The following CYP2C8 variants were observed in gnomAD, a reference collection of about 807,000 sequenced individuals.
The protein encoded by CYP2C8 is cytochrome P450 family 2 subfamily C member 8, also known as cytochrome P450 2C8.
CYP2C8 carries 51 observed loss-of-function variants against 41.3 expected under a neutral mutation model. That is an observed-to-expected ratio of 1.24 (90% CI 0.99 to 1.56). The LOEUF is 1.56. CYP2C8 is among the 40% of genes most tolerant of loss of function. The pLI is 0.00. For synonymous variants in CYP2C8, 218 were observed against 205.8 expected (o/e 1.06, Z -0.51); for missense variants, 651 against 579.9 (o/e 1.12, Z -1.26).
chr10:95,056,286 C>G (rs1207260810), intron 5 of CYP2C8, among the ~76,000 whole-genome samples: 1 of 152,174 alleles, frequency 6.6e-6, no homozygotes, highest in East Asian at 1.9e-4. Flanking sequence ...GAGGAACCCT[C>G]AAACATTGCT....
In CYP2C8 at chr10:95,067,189, G is replaced by A. The variant is rs375369698; in HGVS notation, c.481+19C>T. 32 of 1,613,906 alleles carry A rather than the reference G, an allele frequency of 2.0e-5. No individual in the cohort carries two copies. Among genetic ancestry groups the A allele is most frequent in the African/African-American group, 2.7e-5 (2 of 75,010 alleles). ...ACAGGTAACTGTTAAGGTCAATGAC[G>A]CAGAGTAGAGTCACCCACCCTTGGT... is the stretch of plus-strand genomic sequence containing the variant. On this transcript the variant is annotated intron_variant, in intron 3 of 8. Coordinates refer to ENST00000371270, the MANE Select transcript of CYP2C8 (RefSeq NM_000770.3).
rs371808080 is a variant in CYP2C8, at chr10:95,037,112, G to C, written c.*16C>G. The C allele has an allele frequency of 6.2e-7, 1 of 1,613,332 alleles. No individual in the cohort carries two copies. The highest frequency in any genetic ancestry group is 2.2e-5 in the East Asian group (1 of 44,880). ...GCAGGTGATAGCAGATCGGCAGCCAGATGGGCTAGCATTCTTCAGACAGGG... is the reference window on the plus strand; with the variant it reads ...GCAGGTGATAGCAGATCGGCAGCCACATGGGCTAGCATTCTTCAGACAGGG... On this transcript the variant is annotated 3_prime_UTR_variant, in exon 9 of 9. Transcript: ENST00000371270.
At chr10:95,041,029 A>G (rs2032983939) in intron 7 of CYP2C8, 1 of 454,772 alleles carries the variant, frequency 2.2e-6, no homozygotes, top group African/African-American at 2.0e-5. Flanking sequence ...AGTCCTGAAC[A>G]ATAAGTAACA....
chr10:95,067,449 G>A, intron 2 of CYP2C8, 80 bp downstream of exon 2: 1 of 1,612,994 alleles, frequency 6.2e-7, no homozygotes, highest in Non-Finnish European at 8.5e-7. Context: ...GCTAAGCTCT[G>A]CTGAGAAGCT....
intron 3 of CYP2C8, among the ~76,000 whole-genome samples, chr10:95,065,656 T>A (rs2033546076): frequency 6.6e-6 from 1 of 152,230 alleles, no homozygotes. Flanking sequence ...ATTTCCTTCC[T>A]TTGGAAATAA....
At chr10:95,042,763 T>G (rs761663173) in intron 7 of CYP2C8, 127 bp downstream of exon 7, 1 of 806,152 alleles carries the variant, frequency 1.2e-6, no homozygotes, top group Non-Finnish European at 2.2e-6. Flanking sequence ...TAGCAGAAAG[T>G]CCATCAAGCT....
chr10:95,047,986 T>G (rs1043742317), intron 5 of CYP2C8, among the ~76,000 whole-genome samples: 16 of 152,214 alleles, frequency 1.1e-4, no homozygotes, highest in African/African-American at 3.9e-4. Flanking sequence ...AAGGTCACCT[T>G]GAGTTCAGAT....
intron 5 of CYP2C8, among the ~76,000 whole-genome samples, chr10:95,048,635 C>T (rs1589439712): frequency 6.6e-6 from 1 of 150,510 alleles, no homozygotes; most frequent in African/African-American, 2.4e-5. Context: ...TTCCCAAATG[C>T]TATGTTATTT....
At chr10:95,056,515 AATG>A (rs1288288537) in intron 5 of CYP2C8, among the ~76,000 whole-genome samples, 2 of 152,346 alleles carry the variant, frequency 1.3e-5, no homozygotes, top group East Asian at 3.9e-4. Context: ...TCAACAGATG[AATG>A]ATAAGCAAAT....
At position 95,055,923 on chromosome 10, in the gene CYP2C8, T is replaced by G. The variant is rs551181855; in HGVS notation, c.819+2412A>C. 2.0e-5 allele frequency among the ~76,000 whole-genome samples: 3 copies of G among 152,082 alleles called. No homozygotes were observed. In the South Asian group the frequency reaches 6.2e-4, roughly 32 times the overall value. On this transcript the variant is annotated intron_variant, in intron 5 of 8. Transcript: ENST00000371270. ...CTAGGAAACATGGTGAAACCAAGTT[T>G]GTACAAAAAAAATACAAAAATTAGC...
chr10:95,067,771 C>G, intron 1 of CYP2C8, 80 bp from the exon 2 acceptor site: 1 of 1,395,374 alleles, frequency 7.2e-7, no homozygotes, highest in Non-Finnish European at 1.0e-6. Context: ...CTGACATTTT[C>G]ATTGTATTTT....
intron 8 of CYP2C8, among the ~76,000 whole-genome samples, chr10:95,037,584 G>A (rs1434854158): frequency 6.6e-6 from 1 of 152,172 alleles, no homozygotes; most frequent in Non-Finnish European, 1.5e-5. Flanking sequence ...TTGATTATCA[G>A]CTCCATAACA....
At chr10:95,064,995 A>C in intron 3 of CYP2C8, 35 bp from the exon 4 acceptor site, 1 of 1,384,354 alleles carries the variant, frequency 7.2e-7, no homozygotes, top group South Asian at 1.9e-5. Flanking sequence ...AAATTATTAA[A>C]AAATAAATAT....
intron 5 of CYP2C8, among the ~76,000 whole-genome samples, chr10:95,048,762 AG>A (rs35355738): frequency 6.6e-6 from 1 of 152,164 alleles, no homozygotes; most frequent in Non-Finnish European, 1.5e-5. Context: ...GATATTACCC[AG>A]GGGAACATGT....
At chr10:95,066,021 C>T (rs190021825) in intron 3 of CYP2C8, among the ~76,000 whole-genome samples, 7 of 151,828 alleles carry the variant, frequency 4.6e-5, no homozygotes, top group Non-Finnish European at 5.9e-5. Context: ...GAGTTAGCTG[C>T]TTCTATGCCA....
chr10:95,058,364 T>C lies in CYP2C8; in HGVS notation c.790A>G (p.Ile264Val), dbSNP rs1589444043. The change falls in exon 5 of 9, where the codon ATC (isoleucine) becomes GTC (valine). Residue 264 changes from isoleucine to valine, a missense_variant. Transcript: ENST00000371270. ...SLDVNNPRDF[I>V]DCFLIKMEQE... ...TCCATTTTGATCAGGAAGCAATCGA[T>C]AAAGTCCCGAGGATTGTTAACATCC... is the stretch of plus-strand genomic sequence containing the variant. 9.3e-6 allele frequency: 15 copies of C among 1,613,436 alleles called. No homozygotes were observed. The highest frequency in any genetic ancestry group is 1.3e-5 in the Non-Finnish European group (15 of 1,179,596).
At chr10:95,067,422 G>T in intron 2 of CYP2C8, 65 bp from the exon 3 acceptor site, 2 of 1,612,176 alleles carry the variant, frequency 1.2e-6, no homozygotes, top group Non-Finnish European at 1.7e-6. Flanking sequence ...TGCAACACTT[G>T]GCAGCCATGC....
At position 95,045,852 on chromosome 10, in the gene CYP2C8, T is replaced by C. The variant is rs775446881; in HGVS notation, c.919A>G (p.Arg307Gly). 6.2e-7 allele frequency: 1 copy of C among 1,614,048 alleles called. No individual in the cohort carries two copies. The highest frequency in any genetic ancestry group is 8.5e-7 in the Non-Finnish European group (1 of 1,179,920). Residue 307 changes from arginine (R) to glycine (G), a missense_variant, in exon 6 of 9, where the codon AGA becomes GGA. Arg to Gly is a moderately radical substitution (Grantham distance 125). Coordinates refer to ENST00000371270, the MANE Select transcript of CYP2C8 (RefSeq NM_000770.3). The stretch of plus-strand genomic sequence containing the variant: ...TTCAGCAGGAGCAGGAGTCCATATC[T>C]CAGAGTGGTGCTTGTTGTCTCTGTT... Reference protein sequence around the residue: ...AGTETTSTTLRYGLLLLLKHP... With the variant: ...AGTETTSTTLGYGLLLLLKHP...
At position 95,067,345 on chromosome 10, in the gene CYP2C8, C is replaced by T. The variant is rs755391351; in HGVS notation, c.344G>A (p.Ser115Asn). 1 of 1,609,294 alleles carries T rather than the reference C, an allele frequency of 6.2e-7. No individual in the cohort carries two copies. ...GATCTCCTTCCATCTCTTTCCATTGCTGGAAATGATTCCTAATAAAAAAAG... is the reference window on the plus strand; with the variant it reads ...GATCTCCTTCCATCTCTTTCCATTGTTGGAAATGATTCCTAATAAAAAAAG... ...RITKGLGIIS[S>N]NGKRWKEIRR... The change falls in exon 3 of 9, where the codon AGC becomes AAC. Residue 115 changes from serine to asparagine, a missense_variant. Transcript: ENST00000371270.
Sources: allele counts gnomAD v4.1 joint callset (sites outside exome capture counted in the v4.1 genomes callset), GRCh38; gene constraint gnomAD v4.1.1; transcripts MANE v1.5; gene names NCBI Gene and HGNC (gene_info 2026-07-23, HGNC 2026-07-21).